The following AMMECR1 variants were observed in gnomAD, a reference collection of about 807,000 sequenced individuals.
AMMECR1 encodes the protein nuclear protein AMMECR1.
AMMECR1 carries 3 observed loss-of-function variants against 22.5 expected under a neutral mutation model. The observed-to-expected ratio is 0.13, with a 90% CI of 0.06 to 0.35. The LOEUF (loss-of-function observed/expected upper bound fraction) is 0.35. AMMECR1 is among the 10% of genes least tolerant of loss of function. The pLI is 1.00. For missense variants in AMMECR1, 235 were observed against 278.7 expected (o/e 0.84, Z 1.12); for synonymous variants, 130 against 116.7 (o/e 1.11, Z -0.74).
chrX:110,218,729 T>C (rs2067486505), intron 2 of AMMECR1, among the ~76,000 whole-genome samples: 1 of 110,885 alleles, frequency 9.0e-6, no homozygotes, highest in Non-Finnish European at 1.9e-5. Flanking sequence ...TGTGCAACCA[T>C]CACCATTATG....
chrX:110,268,647 AT>A (rs2067782316), intron 1 of AMMECR1, among the ~76,000 whole-genome samples: 1 of 111,461 alleles, frequency 9.0e-6, no homozygotes, highest in Non-Finnish European at 1.9e-5. Flanking sequence ...ATAGGAACAA[AT>A]TTTTTTCTTC....
intron 2 of AMMECR1, among the ~76,000 whole-genome samples, chrX:110,367,371 T>C (rs1257295695): frequency 8.9e-6 from 1 of 111,937 alleles, no homozygotes; most frequent in Non-Finnish European, 1.9e-5. Flanking sequence ...CCATCATCAC[T>C]CCACCAAAAT....
In AMMECR1 at chrX:110,197,740, C is replaced by T. The variant is rs1402610287; in HGVS notation, c.*780G>A. On this transcript the variant is annotated 3_prime_UTR_variant, in exon 6 of 6. Transcript: ENST00000262844. ...TTTTGAAAGGTAGTTTGTACCTTCT[C>T]CAAACAGTGTTTTAGTTTGCAAATT... 3 of 111,932 alleles carry T rather than the reference C, an allele frequency of 2.7e-5. No individual in the cohort carries two copies. In the East Asian group the frequency reaches 8.4e-4, roughly 31 times the overall value. 9.2% of individuals were successfully genotyped at this position (111,932 alleles called of 1,213,427 possible).
At chrX:110,235,872 T>C (rs1337788155) in intron 2 of AMMECR1, among the ~76,000 whole-genome samples, 1 of 110,906 alleles carries the variant, frequency 9.0e-6, no homozygotes, top group Non-Finnish European at 1.9e-5. Flanking sequence ...AAATGATGAG[T>C]TGATGGTGCA....
intron 2 of AMMECR1, among the ~76,000 whole-genome samples, chrX:110,367,420 A>G (rs1162070025): frequency 5.4e-5 from 6 of 111,827 alleles, no homozygotes; most frequent in African/African-American, 1.6e-4. Context: ...TCAGTATTAA[A>G]TTCAATGGTC....
At chrX:110,239,713 A>T (rs2067620705) in intron 2 of AMMECR1, among the ~76,000 whole-genome samples, 1 of 111,288 alleles carries the variant, frequency 9.0e-6, no homozygotes, top group Non-Finnish European at 1.9e-5. Context: ...CACCACAAAG[A>T]TACTCCTCGA....
intron 2 of AMMECR1, among the ~76,000 whole-genome samples, chrX:110,370,078 C>T (rs1357209736): frequency 2.7e-5 from 3 of 111,677 alleles, no homozygotes; most frequent in Non-Finnish European, 5.6e-5. Context: ...GTCCTAATTC[C>T]ACTGTTTGGA....
At chrX:110,322,547 C>G (rs1044788269), upstream of AMMECR1, among the ~76,000 whole-genome samples, 4 of 111,918 alleles carry the variant, frequency 3.6e-5, no homozygotes, top group South Asian at 7.5e-4. Context: ...TCATTGTGTT[C>G]TGGGGCACCT....
At chrX:110,352,353 AC>A (rs1458983216) in intron 2 of AMMECR1, among the ~76,000 whole-genome samples, 2 of 112,758 alleles carry the variant, frequency 1.8e-5, no homozygotes, top group Non-Finnish European at 3.7e-5. Flanking sequence ...ATGGTGGTAT[AC>A]CCATACAATG....
rs367849919 is a variant in AMMECR1 at position 110,317,853 on chromosome X, G to C, written c.219C>G (p.Pro73=). 25 of 1,174,188 alleles carry C rather than the reference G, an allele frequency of 2.1e-5. No homozygotes were observed. The highest frequency in any genetic ancestry group is 3.6e-5 in the African/African-American group (2 of 55,745). Residue 73 remains proline, a synonymous_variant, in exon 1 of 6, where the codon CCC becomes CCG. Coordinates refer to ENST00000262844, the MANE Select transcript of AMMECR1 (RefSeq NM_015365.3). ...CCCCGCCGCCGCCGCCGCAGCCCTG[G>C]GGGGGAGAGAGGGTACAGCCGCTGC... ...GSGSGCTLSP[P]QGCGGGGGGI...
At chrX:110,436,989 G>A (rs909407797) in intron 1 of AMMECR1, among the ~76,000 whole-genome samples, 4 of 112,418 alleles carry the variant, frequency 3.6e-5, no homozygotes, top group Non-Finnish European at 3.8e-5. Flanking sequence ...TCTCCCAGAA[G>A]TGATTCCATT....
intron 3 of AMMECR1, among the ~76,000 whole-genome samples, chrX:110,204,025 C>T (rs997055254): frequency 8.9e-6 from 1 of 111,879 alleles, no homozygotes; most frequent in Non-Finnish European, 1.9e-5. Context: ...GCCTCCCATA[C>T]TGTGTGGGAA....
chrX:110,298,521 G>T (rs2067949085), intron 1 of AMMECR1, among the ~76,000 whole-genome samples: 1 of 110,881 alleles, frequency 9.0e-6, no homozygotes, highest in South Asian at 3.8e-4. Flanking sequence ...TGTGGTTGGT[G>T]GGGGAGAGAG....
intron 2 of AMMECR1, among the ~76,000 whole-genome samples, chrX:110,395,079 T>C (rs1269374253): frequency 8.9e-6 from 1 of 112,676 alleles, no homozygotes; most frequent in Non-Finnish European, 1.9e-5. Flanking sequence ...GCATTTGTCA[T>C]GGAAGGTGGG....
chrX:110,219,544 A>G, intron 2 of AMMECR1: 2 of 749,087 alleles, frequency 2.7e-6, no homozygotes, highest in Non-Finnish European at 3.2e-6. Context: ...TACCTAAAAC[A>G]TAAGTGAAGA....
chrX:110,195,639 A>G lies in AMMECR1; in HGVS notation c.*2881T>C, dbSNP rs888781923. On this transcript the variant is annotated 3_prime_UTR_variant, in exon 6 of 6. Coordinates refer to ENST00000262844, the MANE Select transcript of AMMECR1 (RefSeq NM_015365.3). ...TTAAAGATCACTGAACTCATACAAT[A>G]TTCTGATGATAAGAGTGCAATTCAC... 5 of 112,473 alleles carry G rather than the reference A, an allele frequency of 4.4e-5. No homozygotes were observed. The highest frequency in any genetic ancestry group is 7.5e-5 in the Non-Finnish European group (4 of 53,269). The allele number at this position is 112,473 out of a possible 1,213,427, so 9.3% of individuals were successfully genotyped here.
chrX:110,316,673 A>AT (rs1569404914), intron 1 of AMMECR1, among the ~76,000 whole-genome samples: 1 of 111,128 alleles, frequency 9.0e-6, no homozygotes, highest in Non-Finnish European at 1.9e-5. Flanking sequence ...CTATTTTAAA[A>AT]TTTTTCAACC....
intron 2 of AMMECR1, among the ~76,000 whole-genome samples, chrX:110,339,563 C>T (rs969969911): frequency 2.7e-5 from 3 of 110,893 alleles, no homozygotes; most frequent in Non-Finnish European, 5.7e-5. Context: ...ACAGCACGAT[C>T]TTGGCTCACT....
intron 2 of AMMECR1, chrX:110,219,742 T>C (rs2067491471): frequency 7.0e-6 from 2 of 284,842 alleles, no homozygotes; most frequent in Non-Finnish European, 9.5e-6. Context: ...AACTCTGAAA[T>C]AGTAAAGGTT....
Sources: gnomAD v4.1 joint callset for allele counts (sites outside exome capture counted in the v4.1 genomes callset) on GRCh38, gnomAD v4.1.1 for gene constraint, MANE v1.5 for transcripts, NCBI Gene and HGNC (gene_info 2026-07-23, HGNC 2026-07-21) for gene names.